Variants in ADGRB3 observed in about 807,000 individuals in gnomAD.
ADGRB3 encodes the protein brain-specific angiogenesis inhibitor 3.
In ADGRB3, 37 loss-of-function variants were observed where a neutral mutation model predicts 193.4. The ratio of observed to expected loss-of-function variants is 0.19; its 90% CI spans 0.15 to 0.25. ADGRB3 has a LOEUF of 0.25. Among genes scored for constraint, ADGRB3 ranks in the 10% least tolerant of loss-of-function variants. The pLI is 1.00. For missense variants in ADGRB3, 1,637 were observed against 1,852.9 expected, an observed-to-expected ratio of 0.88 and a Z score of 2.14; for synonymous variants, 690 against 644.2, an observed-to-expected ratio of 1.07 and a Z score of -1.08.
chr6:68,797,082 A>G (rs1241979197), intron 3 of ADGRB3, among the ~76,000 whole-genome samples: 1 of 152,186 alleles, frequency 6.6e-6, no homozygotes, highest in Non-Finnish European at 1.5e-5. Flanking sequence ...AAAGTAAGCC[A>G]TGACACGGAA....
chr6:68,950,109 G>T (rs983223099), intron 6 of ADGRB3, among the ~76,000 whole-genome samples: 11 of 152,126 alleles, frequency 7.2e-5, no homozygotes, highest in African/African-American at 7.2e-5. Context: ...AGGCTGGAGT[G>T]CAGTGGCATG....
At chr6:69,212,960 A>C (rs1336849830) in intron 17 of ADGRB3, among the ~76,000 whole-genome samples, 1 of 152,132 alleles carries the variant, frequency 6.6e-6, no homozygotes, top group African/African-American at 2.4e-5. Context: ...TTTGCAAGGA[A>C]GCTGATGCAT....
At chr6:68,859,385 C>T (rs892705290) in intron 3 of ADGRB3, among the ~76,000 whole-genome samples, 9 of 152,220 alleles carry the variant, frequency 5.9e-5, no homozygotes, top group Admixed American at 5.2e-4. Context: ...TCCAAAGTCT[C>T]ATCCACATTT....
At chr6:69,292,809 G>A (rs775569942) in intron 20 of ADGRB3, among the ~76,000 whole-genome samples, 4 of 151,978 alleles carry the variant, frequency 2.6e-5, no homozygotes, top group Non-Finnish European at 5.9e-5. Flanking sequence ...ATGCTGGTGC[G>A]CTGCACCCAC....
chr6:68,850,524 T>C (rs1768375873), intron 3 of ADGRB3, among the ~76,000 whole-genome samples: 2 of 151,960 alleles, frequency 1.3e-5, no homozygotes, highest in African/African-American at 4.8e-5. Context: ...GAATAGTCAA[T>C]AGGTTGAGTA....
intron 3 of ADGRB3, among the ~76,000 whole-genome samples, chr6:68,738,924 G>A (rs906505336): frequency 3.3e-5 from 5 of 152,104 alleles, no homozygotes; most frequent in Admixed American, 3.3e-4. Context: ...TATGATCTGG[G>A]TCACTCCAAC....
At chr6:69,181,104 C>G (rs886413205) in intron 17 of ADGRB3, among the ~76,000 whole-genome samples, 5 of 152,154 alleles carry the variant, frequency 3.3e-5, no homozygotes, top group Admixed American at 2.6e-4. Flanking sequence ...GGGCTTCACT[C>G]ACTTTTATCA....
At chr6:69,196,744 T>C (rs1038515546) in intron 17 of ADGRB3, among the ~76,000 whole-genome samples, 1 of 152,150 alleles carries the variant, frequency 6.6e-6, no homozygotes, top group Admixed American at 6.6e-5. Flanking sequence ...TGATTCAGTC[T>C]GTAACACTTA....
In ADGRB3 at chr6:69,125,279, C is replaced by A. The variant is rs544790119; in HGVS notation, c.2480+49241C>A. On this transcript the variant is annotated intron_variant, in intron 17 of 31. Coordinates refer to ENST00000370598, the MANE Select transcript of ADGRB3 (RefSeq NM_001704.3). ...CCTAAGCACATACAAGGAGCCCTCC[C>A]CAGACAGATCAGCGCTTCTCTGGGA... Among the ~76,000 whole-genome samples, 13 of 152,276 alleles carry A rather than the reference C, an allele frequency of 8.5e-5. No individual in the cohort carries two copies. The East Asian group carries it at 2.3e-3, about 27-fold the overall frequency.
chr6:69,327,335 A>G (rs994563952), intron 21 of ADGRB3, among the ~76,000 whole-genome samples: 1 of 152,166 alleles, frequency 6.6e-6, no homozygotes, highest in Non-Finnish European at 1.5e-5. Context: ...TAAGCAAATT[A>G]TAAAGAAAGT....
At chr6:68,984,363 A>C (rs1276372133) in intron 10 of ADGRB3, among the ~76,000 whole-genome samples, 1 of 152,070 alleles carries the variant, frequency 6.6e-6, no homozygotes, top group Non-Finnish European at 1.5e-5. Context: ...CATGAGGAAT[A>C]ATTTGGGACA....
intron 17 of ADGRB3, among the ~76,000 whole-genome samples, chr6:69,100,008 A>G (rs1245018039): frequency 6.6e-6 from 1 of 152,066 alleles, no homozygotes; most frequent in African/African-American, 2.4e-5. Flanking sequence ...ATAGTTTTGG[A>G]CTCTATTTTG....
chr6:69,083,503 GA>G (rs1562151772), intron 17 of ADGRB3, among the ~76,000 whole-genome samples: 1 of 152,158 alleles, frequency 6.6e-6, no homozygotes, highest in African/African-American at 2.4e-5. Flanking sequence ...TTAGATGTGG[GA>G]GGGGCTGGGG....
intron 3 of ADGRB3, among the ~76,000 whole-genome samples, chr6:68,765,225 A>G (rs2127353096): frequency 6.6e-6 from 1 of 152,284 alleles, no homozygotes; most frequent in East Asian, 1.9e-4. Context: ...AGCAAAATCA[A>G]TAGCAAATAT....
chr6:69,135,820 C>T (rs1328382422), intron 17 of ADGRB3, among the ~76,000 whole-genome samples: 1 of 151,920 alleles, frequency 6.6e-6, no homozygotes, highest in Non-Finnish European at 1.5e-5. Flanking sequence ...AAAAAAATGC[C>T]AAGTGTTGAA....
chr6:69,049,465 G>A (rs1457210684), intron 15 of ADGRB3, 119 bp downstream of exon 15: 1 of 668,276 alleles, frequency 1.5e-6, no homozygotes, highest in African/African-American at 1.9e-5. Flanking sequence ...TTTCTTAAAT[G>A]AAATAGAAAA....
chr6:68,686,887 C>A (rs1244202232), intron 3 of ADGRB3, among the ~76,000 whole-genome samples: 6 of 152,010 alleles, frequency 3.9e-5, no homozygotes, highest in Non-Finnish European at 7.4e-5. Context: ...AATATATTGT[C>A]TCATTAAAAA....
chr6:69,021,649 A>G (rs1357103283), intron 13 of ADGRB3, among the ~76,000 whole-genome samples: 4 of 151,908 alleles, frequency 2.6e-5, no homozygotes. Flanking sequence ...AAGACTTAGG[A>G]CGATAATTTA....
At chr6:68,945,616 G>T (rs959443151) in intron 6 of ADGRB3, among the ~76,000 whole-genome samples, 2 of 152,072 alleles carry the variant, frequency 1.3e-5, no homozygotes, top group South Asian at 2.1e-4. Context: ...TAAAAGACAA[G>T]AACTAACTAT....
Sources: gnomAD v4.1 joint callset for allele counts (sites outside exome capture counted in the v4.1 genomes callset) on GRCh38, gnomAD v4.1.1 for gene constraint, MANE v1.5 for transcripts, NCBI Gene and HGNC (gene_info 2026-07-23, HGNC 2026-07-21) for gene names.